MAP4K4: variants seen among roughly 807,000 people sequenced by gnomAD.
MAP4K4 encodes the protein HPK/GCK-like kinase HGK.
In MAP4K4, 38 loss-of-function variants were observed where a neutral mutation model predicts 189.6. The observed-to-expected ratio is 0.20, with a 90% CI of 0.15 to 0.26. The LOEUF is 0.26. Among genes scored for constraint, MAP4K4 ranks in the 10% least tolerant of loss-of-function variants. The pLI is 1.00. For synonymous variants in MAP4K4, 610 were observed against 624.3 expected (o/e 0.98, Z 0.34); for missense variants, 1,054 against 1,726.9 (o/e 0.61, Z 6.91).
intron 2 of MAP4K4, among the ~76,000 whole-genome samples, chr2:101,759,475 T>TCTCCCCTCCC (rs1298277617): frequency 1.0e-5 from 1 of 100,456 alleles, no homozygotes; most frequent in Non-Finnish European, 2.1e-5. Context: ...TCCCTTTCCC[T>TCTCCCCTCCC]CTCCCCTCCC....
intron 2 of MAP4K4, among the ~76,000 whole-genome samples, chr2:101,718,856 A>G (rs1317301552): frequency 1.3e-5 from 2 of 152,170 alleles, no homozygotes; most frequent in Non-Finnish European, 2.9e-5. Context: ...CTGTAATTCC[A>G]TACTTTCAAT....
chr2:101,867,102 C>T, intron 19 of MAP4K4, 110 bp from the exon 20 acceptor site: 3 of 681,066 alleles, frequency 4.4e-6, no homozygotes, highest in Non-Finnish European at 7.7e-6. Flanking sequence ...AGGTGGAGAG[C>T]CTACCATGAG....
At chr2:101,731,275 C>T (rs1415413017) in intron 2 of MAP4K4, among the ~76,000 whole-genome samples, 1 of 151,676 alleles carries the variant, frequency 6.6e-6, no homozygotes, top group African/African-American at 2.4e-5. Context: ...TGCCACCATG[C>T]CTGGCTCATT....
chr2:101,842,484 A>G, intron 10 of MAP4K4, 125 bp from the exon 11 acceptor site: 1 of 626,292 alleles, frequency 1.6e-6, no homozygotes, highest in East Asian at 2.8e-5. Flanking sequence ...AATCCTCTAT[A>G]CAAGTTGCTG....
chr2:101,736,347 G>A (rs571926922), intron 2 of MAP4K4, among the ~76,000 whole-genome samples: 1 of 152,260 alleles, frequency 6.6e-6, no homozygotes, highest in East Asian at 1.9e-4. Context: ...ACTGGCCTCT[G>A]CCATCCCCTG....
intron 27 of MAP4K4, among the ~76,000 whole-genome samples, chr2:101,877,476 CTTTTTTTTT>C (rs571878053): frequency 1.5e-5 from 2 of 132,840 alleles, no homozygotes; most frequent in African/African-American, 5.9e-5. Context: ...TTCCACCAGA[CTTTTTTTTT>C]TTTTTTTTTG....
intron 10 of MAP4K4, among the ~76,000 whole-genome samples, chr2:101,841,616 G>C (rs532099721): frequency 3.9e-5 from 6 of 152,142 alleles, no homozygotes; most frequent in African/African-American, 1.4e-4. Flanking sequence ...TTATAGGCAT[G>C]TACCACCACA....
intron 2 of MAP4K4, among the ~76,000 whole-genome samples, chr2:101,740,247 G>A (rs1338587344): frequency 8.7e-6 from 1 of 114,544 alleles, no homozygotes; most frequent in Non-Finnish European, 1.6e-5. Context: ...TCCGCCTCCC[G>A]GGTTCACGCT....
intron 21 of MAP4K4, among the ~76,000 whole-genome samples, chr2:101,869,282 A>G (rs933357528): frequency 1.3e-5 from 2 of 152,072 alleles, no homozygotes; most frequent in African/African-American, 4.8e-5. Flanking sequence ...GTCTGTGTAT[A>G]TACATTTGTT....
At chr2:101,718,406 C>G (rs2049710559) in intron 2 of MAP4K4, among the ~76,000 whole-genome samples, 1 of 152,082 alleles carries the variant, frequency 6.6e-6, no homozygotes, top group South Asian at 2.1e-4. Context: ...TTGGAGAAAC[C>G]AAGTGTTAAG....
In MAP4K4 at chr2:101,867,963, C is replaced by T. The variant is rs924760523; in HGVS notation, c.2455-66C>T. 5 of 1,566,376 alleles carry T rather than the reference C, an allele frequency of 3.2e-6. No homozygotes were observed. In the African/African-American group the frequency reaches 6.8e-5, roughly 21 times the overall value. ...CTCTCCCCTTCTTTCTCCCGCGCTT[C>T]CTTGTACTGTGCATTCCTCATCAAC... is the stretch of plus-strand genomic sequence containing the variant. On this transcript the variant is annotated intron_variant, in intron 20 of 32. Transcript: ENST00000324219.
chr2:101,860,981 C>T, exon 16 of MAP4K4: 1 of 1,595,022 alleles, frequency 6.3e-7, no homozygotes. Context: ...ACCAGCGGAG[C>T]CACAGGTAGC....
chr2:101,882,711 G>GT lies in MAP4K4; in HGVS notation c.3520+31dup, dbSNP rs2098418677. ...GTAAGTTCTAGAAGCGTCATATTTT[G>GT]TTTTTCCAGAGTTTGATTAGAGTTT... On this transcript the variant is annotated intron_variant, in intron 28 of 32. Transcript: ENST00000324219. 18 of 1,499,502 alleles carry GT rather than the reference G, an allele frequency of 1.2e-5. No homozygotes were observed. In the East Asian group the frequency reaches 4.3e-4, roughly 36 times the overall value. 92.9% of individuals were successfully genotyped at this position (1,499,502 alleles called of 1,614,324 possible). A position where few individuals can be genotyped will look rare whatever the true frequency, so the allele number is the denominator to read the frequency against.
intron 12 of MAP4K4, among the ~76,000 whole-genome samples, chr2:101,849,510 T>C (rs1405321294): frequency 6.6e-6 from 1 of 152,146 alleles, no homozygotes; most frequent in East Asian, 1.9e-4. Flanking sequence ...AGTTAAATTT[T>C]TTTTTGCATT....
At chr2:101,706,136 T>A (rs1465596084) in intron 2 of MAP4K4, among the ~76,000 whole-genome samples, 1 of 152,228 alleles carries the variant, frequency 6.6e-6, no homozygotes, top group East Asian at 1.9e-4. Context: ...AGAGTCATCC[T>A]GTTCTCCAGA....
At chr2:101,743,696 C>T (rs1289968802) in intron 2 of MAP4K4, among the ~76,000 whole-genome samples, 1 of 152,120 alleles carries the variant, frequency 6.6e-6, no homozygotes, top group African/African-American at 2.4e-5. Context: ...CTTGCTCTGT[C>T]ACCCAGGCTG....
intron 2 of MAP4K4, among the ~76,000 whole-genome samples, chr2:101,769,589 C>CTT (rs879873297): frequency 2.1e-5 from 3 of 145,166 alleles, no homozygotes; most frequent in East Asian, 2.0e-4. Flanking sequence ...ATGTCTTTTT[C>CTT]TTTTTTTTTT....
intron 3 of MAP4K4, among the ~76,000 whole-genome samples, chr2:101,799,669 C>T (rs1046043978): frequency 6.6e-6 from 1 of 151,656 alleles, no homozygotes; most frequent in South Asian, 2.1e-4. Flanking sequence ...TGGCATCATC[C>T]GGGTTCACTG....
At chr2:101,782,441 A>T (rs528486809) in intron 2 of MAP4K4, among the ~76,000 whole-genome samples, 42 of 152,366 alleles carry the variant, frequency 2.8e-4, no homozygotes, top group African/African-American at 9.4e-4. Context: ...GCACTGTCTT[A>T]TTAATTGGAA....
Sources: allele counts gnomAD v4.1 joint callset (sites outside exome capture counted in the v4.1 genomes callset), GRCh38; gene constraint gnomAD v4.1.1; transcripts MANE v1.5; gene names NCBI Gene and HGNC (gene_info 2026-07-23, HGNC 2026-07-21).